HLA-DOB: variants seen among roughly 807,000 people sequenced by gnomAD.
The protein encoded by HLA-DOB is HLA class II histocompatibility antigen, DO beta chain.
A neutral mutation model predicts 27.7 loss-of-function variants in HLA-DOB; 25 were observed. The observed-to-expected ratio is 0.90, with a 90% CI of 0.66 to 1.26. The LOEUF is 1.26. Ranked by LOEUF, HLA-DOB falls within the 50% of genes most tolerant of loss-of-function variation. The probability of loss-of-function intolerance (pLI) is 0.00; values close to 1 mark genes in which losing one functional copy is unlikely to be tolerated. For synonymous variants in HLA-DOB, 137 were observed against 125.6 expected (o/e 1.09, Z -0.61); for missense variants, 306 against 324.9 (o/e 0.94, Z 0.45).
intron 2 of HLA-DOB, 102 bp from the exon 3 acceptor site, chr6:32,814,703 A>G: frequency 9.1e-7 from 1 of 1,094,180 alleles, no homozygotes; most frequent in Non-Finnish European, 1.3e-6. Context: ...TTCCCAGATC[A>G]CCCAAGTGAA....
In HLA-DOB at chr6:32,814,345, C is replaced by G; in HGVS notation, c.618G>C (p.Leu206=). The G allele has an allele frequency of 3.7e-6, 6 of 1,613,000 alleles. No individual in the cohort carries two copies. Among genetic ancestry groups the G allele is most frequent in the Non-Finnish European group, 4.2e-6 (5 of 1,179,992 alleles). The change falls in exon 3 of 6, where the codon CTG becomes CTC. Residue 206 remains leucine, a synonymous_variant. Coordinates refer to ENST00000438763, the MANE Select transcript of HLA-DOB (RefSeq NM_002120.4). ...TCCACTCCACAGAAACAGGGCTCAG[C>G]AGGCTGGAGTGATCGACAAGGCAGG... ...VYTCLVDHSS[L]LSPVSVEWRA... is the part of the protein sequence containing the mutation.
intron 3 of HLA-DOB, 195 bp from the exon 4 acceptor site, chr6:32,814,028 T>C: frequency 1.6e-6 from 1 of 611,276 alleles, no homozygotes; most frequent in Non-Finnish European, 2.9e-6. Context: ...TCACAGCCCA[T>C]AAGAATGCCT....
chr6:32,816,777 G>A, intron 1 of HLA-DOB, 84 bp downstream of exon 1: 1 of 1,102,580 alleles, frequency 9.1e-7, no homozygotes, highest in Non-Finnish European at 1.4e-6. Context: ...TCTGGTCTGT[G>A]GCCTGGACTT....
chr6:32,814,383 C>T lies in HLA-DOB; in HGVS notation c.580G>A (p.Gly194Arg), dbSNP rs1467359426. The T allele has an allele frequency of 5.6e-6, 9 of 1,612,982 alleles. No individual in the cohort carries two copies. Among genetic ancestry groups the T allele is most frequent in the Middle Eastern group, 1.6e-4 (1 of 6,062 alleles). Residue 194 changes from glycine (G) to arginine (R), a missense_variant, in exon 3 of 6, where the codon GGA becomes AGA. By Grantham distance (125) the Gly-to-Arg change is moderately radical. Coordinates refer to ENST00000438763, the MANE Select transcript of HLA-DOB (RefSeq NM_002120.4). ...VVMLEMTPELGHVYTCLVDHS... is the reference protein window; with the variant it reads ...VVMLEMTPELRHVYTCLVDHS... ...TCGACAAGGCAGGTGTAGACATGTC[C>T]AAGTTCAGGAGTCATTTCTAGCATC...
chr6:32,815,179 A>G lies in HLA-DOB; in HGVS notation c.226T>C (p.Leu76=). Residue 76 remains leucine (L), a synonymous_variant, in exon 2 of 6, where the codon TTG becomes CTG. Coordinates refer to ENST00000438763, the MANE Select transcript of HLA-DOB (RefSeq NM_002120.4). ...FDSDVGMFVA[L]TKLGQPDAEQ... The stretch of plus-strand genomic sequence containing the variant: ...GCATCTGGCTGCCCCAGCTTGGTCA[A>G]TGCCACAAACATCCCCACATCACTG... The G allele has an allele frequency of 1.2e-6, 2 of 1,614,232 alleles. No individual in the cohort carries two copies. The highest frequency in any genetic ancestry group is 2.2e-5 in the East Asian group (1 of 44,896).
chr6:32,816,978 G>C lies in HLA-DOB; in HGVS notation c.-27C>G. The stretch of plus-strand genomic sequence containing the variant: ...CTGGAGAAAGGAAAAAAATGAGATA[G>C]TAAAATCGTCAGCCTCTTCAGAATG... On this transcript the variant is annotated 5_prime_UTR_variant, in exon 1 of 6. Transcript: ENST00000438763. 2.2e-5 allele frequency: 32 copies of C among 1,487,458 alleles called. No individual in the cohort carries two copies. The highest frequency in any genetic ancestry group is 2.9e-5 in the Non-Finnish European group (31 of 1,066,348). 92.1% of individuals were successfully genotyped at this position (1,487,458 alleles called of 1,614,324 possible).
At position 32,816,895 on chromosome 6, in the gene HLA-DOB, C is replaced by A; in HGVS notation, c.57G>T (p.Leu19=). 2.5e-6 allele frequency: 4 copies of A among 1,612,890 alleles called. No individual in the cohort carries two copies. The highest frequency in any genetic ancestry group is 3.4e-6 in the Non-Finnish European group (4 of 1,179,954). The change falls in exon 1 of 6, where the codon CTG becomes CTT. Residue 19 remains leucine, a synonymous_variant. Transcript: ENST00000438763. ...VVALLVNLTR[L]DSSMTQGTDS... ...CTGTGCCTTGAGTCATGGAGGAATC[C>A]AGTCGGGTCAGATTCACTAGCAGAG...
rs1200977432 is a variant in HLA-DOB, at chr6:32,815,257, C to A, written c.148G>T (p.Val50Leu). ...DCYFTNGTEKVQFVVRFIFNL... is the reference protein window; with the variant it reads ...DCYFTNGTEKLQFVVRFIFNL... ...AAGATGAATCTGACCACAAACTGCA[C>A]CTTTTCTGTCCCGTTGGTGAAGTAA... Residue 50 changes from valine to leucine, a missense_variant, in exon 2 of 6, where the codon GTG (valine) becomes TTG (leucine). Val to Leu is a conservative substitution (Grantham distance 32). Transcript: ENST00000438763. 1.2e-6 allele frequency: 2 copies of A among 1,614,116 alleles called. No individual in the cohort carries two copies. The highest frequency in any genetic ancestry group is 2.2e-5 in the East Asian group (1 of 44,902).
intron 2 of HLA-DOB, 43 bp from the exon 3 acceptor site, chr6:32,814,644 C>G: frequency 1.3e-6 from 2 of 1,530,864 alleles, no homozygotes; most frequent in South Asian, 2.3e-5. Context: ...AGAAAACCAC[C>G]AAGCTGGGAC....
In HLA-DOB at chr6:32,812,931, A is replaced by G; in HGVS notation, c.*285T>C. On this transcript the variant is annotated 3_prime_UTR_variant, in exon 6 of 6. Transcript: ENST00000438763. The stretch of plus-strand genomic sequence containing the variant: ...ATAGGAGTAGGGCTGGACCACAGAA[A>G]AGTAAATGATTTGGGGCTGGAAGGA... 1 of 527,366 alleles carries G rather than the reference A, an allele frequency of 1.9e-6. No individual in the cohort carries two copies. Among genetic ancestry groups the G allele is most frequent in the Non-Finnish European group, 3.4e-6 (1 of 294,958 alleles). 32.7% of individuals were successfully genotyped at this position (527,366 alleles called of 1,614,324 possible). A position where few individuals can be genotyped will look rare whatever the true frequency, so the allele number is the denominator to read the frequency against.
chr6:32,815,617 A>G (rs1035709478), intron 1 of HLA-DOB, among the ~76,000 whole-genome samples: 1 of 152,264 alleles, frequency 6.6e-6, no homozygotes, highest in Non-Finnish European at 1.5e-5. Flanking sequence ...GAACGGAGGC[A>G]AGAGAAGAGA....
chr6:32,813,781 G>A lies in HLA-DOB; in HGVS notation c.696C>T (p.Phe232=), dbSNP rs1223144419. The change falls in exon 4 of 6, where the codon TTC becomes TTT. Residue 232 remains phenylalanine (F), a synonymous_variant. Transcript: ENST00000438763. The part of the protein sequence containing the change: ...WRKMLSGIAA[F]LLGLIFLLVG... ...CCAGAAGGAAGATTAGCCCAAGTAG[G>A]AAGGCTGCAATGCCACTCAGCATCT... 20 of 1,565,604 alleles carry A rather than the reference G, an allele frequency of 1.3e-5. No individual in the cohort carries two copies. The highest frequency in any genetic ancestry group is 1.6e-5 in the Non-Finnish European group (19 of 1,153,454).
Position 32,815,316 on chromosome 6 carries a change from G to A in HLA-DOB, c.92-3C>T. Reference sequence around the variant, plus strand: ...CTTTGCCTGAATCACAAAATCTTCTGGAAAACCAAAACCAAAACCATGAAC... The same window carrying A: ...CTTTGCCTGAATCACAAAATCTTCTAGAAAACCAAAACCAAAACCATGAAC... On this transcript the variant is annotated splice_polypyrimidine_tract_variant and splice_region_variant and intron_variant, in intron 1 of 5. Transcript: ENST00000438763. 1 of 1,613,696 alleles carries A rather than the reference G, an allele frequency of 6.2e-7. No homozygotes were observed. The highest frequency in any genetic ancestry group is 8.5e-7 in the Non-Finnish European group (1 of 1,179,604).
rs182629312 is a variant in HLA-DOB at position 32,815,407 on chromosome 6, G to A, written c.92-94C>T. The A allele has an allele frequency of 4.0e-4, 545 of 1,357,452 alleles. 5 individuals are homozygous for A. The African/African-American group carries it at 6.1e-3, about 15-fold the overall frequency. The allele number at this position is 1,357,452 out of a possible 1,614,324, so 84.1% of individuals were successfully genotyped here. A position where few individuals can be genotyped will look rare whatever the true frequency, so the allele number is the denominator to read the frequency against. ...GTCAGACCACATGGATCTAAGAGGA[G>A]GCCTTTGACCTCAGTATGCTCAAAA... On this transcript the variant is annotated intron_variant, in intron 1 of 5. Coordinates refer to ENST00000438763, the MANE Select transcript of HLA-DOB (RefSeq NM_002120.4).
At chr6:32,813,588 C>T (rs1295376098) in intron 4 of HLA-DOB, 117 bp from the exon 5 acceptor site, 1 of 1,315,122 alleles carries the variant, frequency 7.6e-7, no homozygotes, top group Non-Finnish European at 1.1e-6. Context: ...CCATTTCTAG[C>T]TTCAGAAAAA....
At chr6:32,813,552 C>G in intron 4 of HLA-DOB, 81 bp from the exon 5 acceptor site, 2 of 1,483,758 alleles carry the variant, frequency 1.3e-6, no homozygotes, top group African/African-American at 2.8e-5. Context: ...AAATGGCTGG[C>G]AAGGTCAGCA....
intron 1 of HLA-DOB, among the ~76,000 whole-genome samples, chr6:32,816,612 G>A (rs1023280905): frequency 4.5e-4 from 69 of 152,128 alleles, no homozygotes; most frequent in Non-Finnish European, 7.2e-4. Flanking sequence ...ACACAATAAG[G>A]ATCCTAAACA....
chr6:32,814,590 C>G lies in HLA-DOB; in HGVS notation c.373G>C (p.Val125Leu), dbSNP rs774065224. 6.2e-7 allele frequency: 1 copy of G among 1,611,468 alleles called. No homozygotes were observed. The change falls in exon 3 of 6, where the codon GTG becomes CTG. Residue 125 changes from valine to leucine, a missense_variant. Val to Leu is a conservative substitution (Grantham distance 32). Coordinates refer to ENST00000438763, the MANE Select transcript of HLA-DOB (RefSeq NM_002120.4). ...GGGGTCCTCTCTGGGTACACTGTCA[C>G]CTCTGGTTGCACTAGGAAGGGAGGA... Reference protein sequence around the residue: ...FTVGRKVQPEVTVYPERTPLL... With the variant: ...FTVGRKVQPELTVYPERTPLL...
rs748194214 is a variant in HLA-DOB at position 32,813,187 on chromosome 6, C to T, written c.*29G>A. ...CCAGACTACTCATCACTACTTCAGG[C>T]TCCAGAGAGAGAAGCTTCAGTGAGG... On this transcript the variant is annotated 3_prime_UTR_variant, in exon 6 of 6. Coordinates refer to ENST00000438763, the MANE Select transcript of HLA-DOB (RefSeq NM_002120.4). The T allele has an allele frequency of 1.9e-6, 3 of 1,609,330 alleles. No individual in the cohort carries two copies. Among genetic ancestry groups the T allele is most frequent in the African/African-American group, 2.7e-5 (2 of 74,834 alleles).
Sources: gnomAD v4.1 joint callset for allele counts (sites outside exome capture counted in the v4.1 genomes callset) on GRCh38, gnomAD v4.1.1 for gene constraint, MANE v1.5 for transcripts, NCBI Gene and HGNC (gene_info 2026-07-23, HGNC 2026-07-21) for gene names.